KATNBL1: variants seen among roughly 807,000 people sequenced by gnomAD.
KATNBL1 encodes KATNB1-like protein 1.
A neutral mutation model predicts 44.7 loss-of-function variants in KATNBL1; 28 were observed. The observed-to-expected ratio is 0.63, with a 90% confidence interval of 0.46 to 0.86. The LOEUF (loss-of-function observed/expected upper bound fraction) is 0.86. Among genes scored for constraint, KATNBL1 ranks in the 40% least tolerant of loss-of-function variants. The pLI is 0.00. For missense variants in KATNBL1, 272 were observed against 350.7 expected (o/e 0.78, Z 1.79); for synonymous variants, 78 against 114.9 (o/e 0.68, Z 2.06).
intron 1 of KATNBL1, among the ~76,000 whole-genome samples, chr15:34,173,987 C>T (rs1452898258): frequency 6.6e-6 from 1 of 152,104 alleles, no homozygotes; most frequent in East Asian, 1.9e-4. Context: ...AACAAACAAA[C>T]AAACAAATGA....
intron 1 of KATNBL1, among the ~76,000 whole-genome samples, chr15:34,190,734 A>G (rs1889848820): frequency 6.6e-6 from 1 of 152,250 alleles, no homozygotes; most frequent in Non-Finnish European, 1.5e-5. Context: ...ATGAATCCTG[A>G]TATGATACAA....
intron 1 of KATNBL1, among the ~76,000 whole-genome samples, chr15:34,199,128 T>A (rs539366656): frequency 6.6e-6 from 1 of 152,244 alleles, no homozygotes; most frequent in East Asian, 1.9e-4. Flanking sequence ...ACTTGTTAGG[T>A]TTATTCCTAT....
intron 1 of KATNBL1, among the ~76,000 whole-genome samples, chr15:34,175,421 C>T (rs139676781): frequency 1.8e-3 from 270 of 152,186 alleles, no homozygotes; most frequent in Non-Finnish European, 2.7e-3. Context: ...GAATACTCAA[C>T]CTGTATGTGT....
chr15:34,167,972 C>T (rs895550621), intron 1 of KATNBL1, among the ~76,000 whole-genome samples: 2 of 152,142 alleles, frequency 1.3e-5, no homozygotes, highest in Non-Finnish European at 2.9e-5. Context: ...CAGTACCAGC[C>T]ACTGCAAAAA....
chr15:34,168,391 A>G (rs968563543), intron 1 of KATNBL1, among the ~76,000 whole-genome samples: 6 of 152,238 alleles, frequency 3.9e-5, no homozygotes, highest in Admixed American at 1.3e-4. Context: ...AGAGCTAACT[A>G]TCTTAAATAT....
At chr15:34,191,852 C>T (rs1449790997) in intron 1 of KATNBL1, among the ~76,000 whole-genome samples, 9 of 149,128 alleles carry the variant, frequency 6.0e-5, no homozygotes, top group East Asian at 2.0e-4. Context: ...GAGGCTGAGG[C>T]AGGAGAATGG....
chr15:34,156,648 G>A (rs1182011801), intron 2 of KATNBL1, among the ~76,000 whole-genome samples: 1 of 152,178 alleles, frequency 6.6e-6, no homozygotes, highest in Non-Finnish European at 1.5e-5. Context: ...CTTAGGGGAA[G>A]GTGTAGGCGG....
intron 1 of KATNBL1, among the ~76,000 whole-genome samples, chr15:34,189,055 A>C (rs1348207260): frequency 6.6e-6 from 1 of 152,106 alleles, no homozygotes; most frequent in Non-Finnish European, 1.5e-5. Context: ...TTTTTGAGAC[A>C]GAGTCTCGCT....
At chr15:34,194,174 T>C (rs1030996948) in intron 1 of KATNBL1, among the ~76,000 whole-genome samples, 4 of 152,200 alleles carry the variant, frequency 2.6e-5, no homozygotes, top group Non-Finnish European at 1.5e-5. Flanking sequence ...ACTCCTGTCC[T>C]CATGATCCAC....
intron 1 of KATNBL1, among the ~76,000 whole-genome samples, chr15:34,192,691 C>T (rs1050739051): frequency 4.6e-5 from 7 of 152,114 alleles, no homozygotes; most frequent in Admixed American, 3.9e-4. Flanking sequence ...TGCTGTCCCT[C>T]CTTCCCACTC....
At chr15:34,187,810 C>A (rs1889757413) in intron 1 of KATNBL1, among the ~76,000 whole-genome samples, 1 of 152,098 alleles carries the variant, frequency 6.6e-6, no homozygotes, top group Non-Finnish European at 1.5e-5. Flanking sequence ...TCTTACTGAA[C>A]TTATGCAAAC....
At chr15:34,176,528 C>T (rs532764698) in intron 1 of KATNBL1, among the ~76,000 whole-genome samples, 2 of 152,212 alleles carry the variant, frequency 1.3e-5, no homozygotes, top group Admixed American at 6.5e-5. Context: ...AAAGCAGACT[C>T]GTGGTTGTCT....
rs1410289862 is a variant in KATNBL1, at chr15:34,182,579, G to C, written c.-14-18889C>G. On this transcript the variant is annotated intron_variant, in intron 1 of 9. Transcript: ENST00000256544. Reference sequence around the variant, plus strand: ...ATCAGATCAGTCCCACGAATATTGGGATATATGTTCACCCCACCTGAGGTA... The same window carrying C: ...ATCAGATCAGTCCCACGAATATTGGCATATATGTTCACCCCACCTGAGGTA... Among the ~76,000 whole-genome samples, 4 of 151,978 alleles carry C rather than the reference G, an allele frequency of 2.6e-5. 1 individual carries two copies. Among genetic ancestry groups the C allele is most frequent in the Admixed American group, 2.6e-4 (4 of 15,240 alleles).
chr15:34,186,723 C>T (rs1889727109), intron 1 of KATNBL1, among the ~76,000 whole-genome samples: 2 of 152,348 alleles, frequency 1.3e-5, no homozygotes, highest in South Asian at 4.1e-4. Flanking sequence ...ACTGCCTGGC[C>T]TCTCTCTGCT....
At chr15:34,205,833 G>A (rs2141009968) in intron 1 of KATNBL1, among the ~76,000 whole-genome samples, 1 of 152,268 alleles carries the variant, frequency 6.6e-6, no homozygotes, top group Non-Finnish European at 1.5e-5. Flanking sequence ...AAAAATCCCT[G>A]CTGTACTGAA....
At chr15:34,188,162 A>AAAAAAAAAAAAAAAAAAAAAG (rs1567534700) in intron 1 of KATNBL1, among the ~76,000 whole-genome samples, 1 of 148,816 alleles carries the variant, frequency 6.7e-6, no homozygotes, top group African/African-American at 2.5e-5. Flanking sequence ...AAAAAAAAAA[A>AAAAAAAAAAAAAAAAAAAAAG]AAAGAAAATT....
At chr15:34,150,676 G>C (rs1398754510) in intron 4 of KATNBL1, among the ~76,000 whole-genome samples, 2 of 152,202 alleles carry the variant, frequency 1.3e-5, no homozygotes, top group Non-Finnish European at 2.9e-5. Context: ...GCATGTTGTG[G>C]GGGTTTGGTG....
At position 34,148,456 on chromosome 15, in the gene KATNBL1, T is replaced by A; in HGVS notation, c.557+176A>T. The A allele has an allele frequency of 6.5e-6, 3 of 464,044 alleles. No individual in the cohort carries two copies. In the South Asian group the frequency reaches 8.3e-5, roughly 13 times the overall value. The allele number at this position is 464,044 out of a possible 1,614,324, so 28.7% of individuals were successfully genotyped here. On this transcript the variant is annotated intron_variant, in intron 5 of 9. Coordinates refer to ENST00000256544, the MANE Select transcript of KATNBL1 (RefSeq NM_024713.3). ...TTTAAAAAATAGCCAGGTGTGGTGATGTGCACCTGTACTCTCAGCTACTCA... is the reference window on the plus strand; with the variant it reads ...TTTAAAAAATAGCCAGGTGTGGTGAAGTGCACCTGTACTCTCAGCTACTCA...
At chr15:34,202,054 A>G (rs2141004011) in intron 1 of KATNBL1, among the ~76,000 whole-genome samples, 1 of 152,350 alleles carries the variant, frequency 6.6e-6, no homozygotes, top group Middle Eastern at 3.4e-3. Context: ...TCGGATTGTG[A>G]TATCATTGGG....
Sources: gnomAD v4.1 joint callset for allele counts (sites outside exome capture counted in the v4.1 genomes callset) on GRCh38, gnomAD v4.1.1 for gene constraint, MANE v1.5 for transcripts, NCBI Gene and HGNC (gene_info 2026-07-23, HGNC 2026-07-21) for gene names.